Variants in PDGFC observed in about 807,000 individuals in gnomAD.
The protein encoded by PDGFC is platelet derived growth factor C.
In PDGFC, 12 loss-of-function variants were observed where a neutral mutation model predicts 35.5. That is an observed-to-expected ratio of 0.34 (90% CI 0.22 to 0.55). The LOEUF is 0.55. PDGFC is among the 20% of genes least tolerant of loss of function. The pLI is 0.91. For synonymous variants in PDGFC, 159 were observed against 148.8 expected (o/e 1.07, Z -0.50); for missense variants, 322 against 412.4 (o/e 0.78, Z 1.90).
chr4:156,846,310 G>T (rs966173057), intron 2 of PDGFC, among the ~76,000 whole-genome samples: 4 of 151,770 alleles, frequency 2.6e-5, no homozygotes, highest in African/African-American at 9.7e-5. Flanking sequence ...GACATTATAA[G>T]CAATCAGAAA....
intron 5 of PDGFC, among the ~76,000 whole-genome samples, chr4:156,764,545 C>T (rs1221608124): frequency 6.6e-6 from 1 of 152,108 alleles, no homozygotes; most frequent in Non-Finnish European, 1.5e-5. Context: ...AATATCACTG[C>T]TCATACATTC....
chr4:156,848,349 TTAACTC>T (rs1404800526), intron 2 of PDGFC, among the ~76,000 whole-genome samples: 1 of 151,908 alleles, frequency 6.6e-6, no homozygotes, highest in Non-Finnish European at 1.5e-5. Flanking sequence ...AAAAAACAAT[TTAACTC>T]TACCTAGTAA....
chr4:156,878,044 T>A (rs1045763056), intron 1 of PDGFC, among the ~76,000 whole-genome samples: 1 of 152,196 alleles, frequency 6.6e-6, no homozygotes, highest in African/African-American at 2.4e-5. Context: ...TCCCGAGGTA[T>A]AGGACTAGGT....
intron 1 of PDGFC, among the ~76,000 whole-genome samples, chr4:156,944,370 C>G (rs1731885606): frequency 6.6e-6 from 1 of 152,100 alleles, no homozygotes; most frequent in African/African-American, 2.4e-5. Flanking sequence ...AAGGGCCTGT[C>G]TTCCACTAGG....
In PDGFC at chr4:156,923,750, A is replaced by C. The variant is rs932931495; in HGVS notation, c.118+47036T>G. ...CTCACACACCAAGAGACAAAAGATC[A>C]TATCAGTGAGAAAATATCTATTCAT... On this transcript the variant is annotated intron_variant, in intron 1 of 5. Transcript: ENST00000502773. Among the ~76,000 whole-genome samples, 3 of 152,212 alleles carry C rather than the reference A, an allele frequency of 2.0e-5. No individual in the cohort carries two copies. The South Asian group carries it at 6.2e-4, about 32-fold the overall frequency.
At chr4:156,782,650 G>A (rs1238417436) in intron 3 of PDGFC, among the ~76,000 whole-genome samples, 2 of 151,934 alleles carry the variant, frequency 1.3e-5, no homozygotes, top group Non-Finnish European at 2.9e-5. Context: ...TTTACATGTC[G>A]GTCACCACAC....
intron 1 of PDGFC, among the ~76,000 whole-genome samples, chr4:156,905,339 A>G (rs758879816): frequency 6.6e-6 from 1 of 152,102 alleles, no homozygotes; most frequent in East Asian, 1.9e-4. Context: ...GACTTTACTC[A>G]ATTCTCAAAA....
intron 1 of PDGFC, among the ~76,000 whole-genome samples, chr4:156,897,053 C>G (rs1730648463): frequency 6.6e-6 from 1 of 152,070 alleles, no homozygotes; most frequent in Non-Finnish European, 1.5e-5. Context: ...GTCGATACCT[C>G]TTTGCAGTAA....
chr4:156,935,772 A>G (rs933157157), intron 1 of PDGFC, among the ~76,000 whole-genome samples: 4 of 152,202 alleles, frequency 2.6e-5, no homozygotes, highest in Non-Finnish European at 5.9e-5. Context: ...TTCATTATTC[A>G]TTAATTTAGT....
intron 1 of PDGFC, among the ~76,000 whole-genome samples, chr4:156,861,798 T>C (rs972419304): frequency 1.3e-5 from 2 of 152,172 alleles, no homozygotes; most frequent in African/African-American, 4.8e-5. Context: ...TCTTGCTCAT[T>C]AACTCAACTA....
intron 2 of PDGFC, among the ~76,000 whole-genome samples, chr4:156,840,837 G>A (rs1383929984): frequency 1.3e-5 from 2 of 152,122 alleles, no homozygotes; most frequent in African/African-American, 2.4e-5. Context: ...GGAACTTTAC[G>A]ATTTGACTGC....
At chr4:156,826,059 G>A (rs1403653661) in intron 2 of PDGFC, among the ~76,000 whole-genome samples, 1 of 151,090 alleles carries the variant, frequency 6.6e-6, no homozygotes, top group Non-Finnish European at 1.5e-5. Flanking sequence ...TTTAGAGAAG[G>A]GGTCTTTATT....
intron 1 of PDGFC, among the ~76,000 whole-genome samples, chr4:156,901,122 C>T (rs1297297274): frequency 6.6e-6 from 1 of 152,058 alleles, no homozygotes. Flanking sequence ...GCACATAAAT[C>T]CTTTGGTATG....
Position 156,936,282 on chromosome 4 carries a change from C to T in PDGFC, c.118+34504G>A, listed in dbSNP as rs1407705409. ...CCTAGAGAGTATTCAAACTTCAAAC[C>T]TTGACTGCATCTCAAGAATGGATCA... is the stretch of plus-strand genomic sequence containing the variant. On this transcript the variant is annotated intron_variant, in intron 1 of 5. Transcript: ENST00000502773. 2.0e-5 allele frequency among the ~76,000 whole-genome samples: 3 copies of T among 152,102 alleles called. No individual in the cohort carries two copies. In the East Asian group the frequency reaches 5.8e-4, roughly 29 times the overall value.
intron 1 of PDGFC, among the ~76,000 whole-genome samples, chr4:156,950,531 C>G (rs1732054742): frequency 6.6e-6 from 1 of 151,726 alleles, no homozygotes; most frequent in African/African-American, 2.4e-5. Context: ...ATTTTCACAT[C>G]CTTACTTTGA....
chr4:156,803,639 T>C (rs1440145057), intron 3 of PDGFC, among the ~76,000 whole-genome samples: 1 of 152,098 alleles, frequency 6.6e-6, no homozygotes, highest in Non-Finnish European at 1.5e-5. Flanking sequence ...AGAAAAATCA[T>C]TTAGGAAGGG....
chr4:156,895,013 G>A (rs1175575470), intron 1 of PDGFC, among the ~76,000 whole-genome samples: 1 of 152,080 alleles, frequency 6.6e-6, no homozygotes, highest in African/African-American at 2.4e-5. Flanking sequence ...TTACTCTCAG[G>A]TTTGTAAGAC....
chr4:156,883,057 C>T (rs1162525013), intron 1 of PDGFC, among the ~76,000 whole-genome samples: 2 of 150,024 alleles, frequency 1.3e-5, no homozygotes, highest in Non-Finnish European at 3.0e-5. Context: ...GCAATCCAGC[C>T]TGAGCGACAG....
intron 1 of PDGFC, among the ~76,000 whole-genome samples, chr4:156,897,815 C>A (rs898443240): frequency 6.6e-6 from 1 of 152,048 alleles, no homozygotes; most frequent in African/African-American, 2.4e-5. Flanking sequence ...GAAGAGAGCC[C>A]CTTTAACTCT....
Sources: allele counts gnomAD v4.1 joint callset (sites outside exome capture counted in the v4.1 genomes callset), GRCh38; gene constraint gnomAD v4.1.1; transcripts MANE v1.5; gene names NCBI Gene and HGNC (gene_info 2026-07-23, HGNC 2026-07-21).